The following PHLDB2 variants were observed in gnomAD, a reference collection of about 807,000 sequenced individuals.
The protein encoded by PHLDB2 is pleckstrin homology-like domain family B member 2.
A neutral mutation model predicts 123.6 loss-of-function variants in PHLDB2; 71 were observed. The ratio of observed to expected loss-of-function variants is 0.57; its 90% CI spans 0.47 to 0.70. The LOEUF (loss-of-function observed/expected upper bound fraction) is 0.70, where lower values mean the gene tolerates loss of function less well. Ranked by LOEUF, PHLDB2 falls within the 30% of genes least tolerant of loss-of-function variation. PHLDB2 has a pLI of 0.00. For synonymous variants in PHLDB2, 547 were observed against 541.6 expected (o/e 1.01, Z -0.14); for missense variants, 1,446 against 1,519.5 (o/e 0.95, Z 0.80).
upstream of PHLDB2, chr3:111,859,065 G>A (rs1279722820): frequency 7.9e-6 from 4 of 506,714 alleles, no homozygotes; most frequent in Non-Finnish European, 1.0e-5. Context: ...CTTAGCTCAG[G>A]CCGTTCTCCA....
intron 1 of PHLDB2, among the ~76,000 whole-genome samples, chr3:111,770,669 AACTT>A (rs72278216): frequency 0.011 from 1,746 of 152,314 alleles, 26 homozygotes; most frequent in African/African-American, 0.039. Context: ...TAAATGGAAA[AACTT>A]ACTCAGAGAT....
intron 16 of PHLDB2, among the ~76,000 whole-genome samples, chr3:111,970,220 T>G (rs1444900115): frequency 6.6e-6 from 1 of 152,208 alleles, no homozygotes; most frequent in Non-Finnish European, 1.5e-5. Flanking sequence ...ATATTTCCTT[T>G]TATTTGTTTT....
At chr3:111,853,714 A>G (rs995106383) in intron 2 of PHLDB2, among the ~76,000 whole-genome samples, 19 of 152,126 alleles carry the variant, frequency 1.2e-4, no homozygotes, top group Non-Finnish European at 1.5e-5. Flanking sequence ...CATCTCTTCT[A>G]AAAATACAAA....
intron 1 of PHLDB2, among the ~76,000 whole-genome samples, chr3:111,749,807 AAC>A (rs1258987223): frequency 1.6e-4 from 24 of 152,320 alleles, no homozygotes; most frequent in African/African-American, 5.1e-4. Flanking sequence ...ACGACACTGA[AAC>A]AGTCTAATTA....
At chr3:111,772,217 T>C (rs1183859282) in intron 1 of PHLDB2, among the ~76,000 whole-genome samples, 1 of 152,218 alleles carries the variant, frequency 6.6e-6, no homozygotes, top group African/African-American at 2.4e-5. Context: ...TTTTTCTTAC[T>C]GTTACTATTT....
chr3:111,951,453 G>C (rs1394704214), intron 10 of PHLDB2, among the ~76,000 whole-genome samples: 1 of 152,128 alleles, frequency 6.6e-6, no homozygotes, highest in Non-Finnish European at 1.5e-5. Context: ...AGATTTTTAT[G>C]ATTGGCATAT....
rs184462586 is a variant in PHLDB2, at chr3:111,899,867, A to C, written c.1336-13452A>C. On this transcript the variant is annotated intron_variant, in intron 2 of 17. Coordinates refer to ENST00000431670, the MANE Select transcript of PHLDB2 (RefSeq NM_001134438.2). ...GTGATCCTCTCGCCTAGGCCTCCCAAAGTGCTGGGATTACAGGAGTGAGCC... is the reference window on the plus strand; with the variant it reads ...GTGATCCTCTCGCCTAGGCCTCCCACAGTGCTGGGATTACAGGAGTGAGCC... Among the ~76,000 whole-genome samples, 144 of 152,276 alleles carry C rather than the reference A, an allele frequency of 9.5e-4. No individual in the cohort carries two copies. In the South Asian group the frequency reaches 0.01, roughly 11 times the overall value.
chr3:111,748,005 T>A (rs935965648), intron 1 of PHLDB2, among the ~76,000 whole-genome samples: 1 of 152,206 alleles, frequency 6.6e-6, no homozygotes, highest in African/African-American at 2.4e-5. Context: ...TCTTTTGATA[T>A]GTTGCTCAGG....
chr3:111,816,613 T>G (rs529030941), intron 1 of PHLDB2, among the ~76,000 whole-genome samples: 1 of 152,324 alleles, frequency 6.6e-6, no homozygotes. Context: ...AGGAAGTAAT[T>G]AACTTGCTTT....
chr3:111,805,300 C>T (rs2108292562), intron 1 of PHLDB2, among the ~76,000 whole-genome samples: 1 of 152,260 alleles, frequency 6.6e-6, no homozygotes, highest in East Asian at 1.9e-4. Context: ...GTGGCTCAAG[C>T]CTGTAATCCC....
chr3:111,918,832 G>A (rs992961501), intron 3 of PHLDB2, among the ~76,000 whole-genome samples: 1 of 152,140 alleles, frequency 6.6e-6, no homozygotes, highest in Non-Finnish European at 1.5e-5. Context: ...GCTTCAAAAG[G>A]ATATGAATTG....
intron 2 of PHLDB2, among the ~76,000 whole-genome samples, chr3:111,902,510 T>C (rs2067256336): frequency 2.0e-5 from 3 of 152,184 alleles, no homozygotes; most frequent in African/African-American, 7.2e-5. Context: ...ATGTTAGTAA[T>C]TAAATATGTA....
Position 111,907,086 on chromosome 3 carries a change from G to A in PHLDB2, c.1336-6233G>A, listed in dbSNP as rs143392474. On this transcript the variant is annotated intron_variant, in intron 2 of 17. Coordinates refer to ENST00000431670, the MANE Select transcript of PHLDB2 (RefSeq NM_001134438.2). ...CAAATGAGATCATTTGTCCTAAACT[G>A]ATAAAAACAATACTAAGGCAATGTT... Among the ~76,000 whole-genome samples, 16 of 152,268 alleles carry A rather than the reference G, an allele frequency of 1.1e-4. No homozygotes were observed. In the East Asian group the frequency reaches 1.9e-3, roughly 18 times the overall value.
intron 1 of PHLDB2, among the ~76,000 whole-genome samples, chr3:111,747,684 C>T (rs924643452): frequency 3.2e-4 from 49 of 152,184 alleles, no homozygotes; most frequent in Admixed American, 6.5e-4. Flanking sequence ...CATGAGGATA[C>T]ACTGAGCTGT....
intron 3 of PHLDB2, chr3:111,915,306 C>T (rs2068110601): frequency 1.3e-5 from 2 of 152,340 alleles, no homozygotes; most frequent in Admixed American, 1.3e-4. Context: ...TGTTTAGCTA[C>T]AGCAAGACTT....
upstream of PHLDB2, among the ~76,000 whole-genome samples, chr3:111,858,646 T>A (rs1463191305): frequency 6.6e-6 from 1 of 152,220 alleles, no homozygotes; most frequent in East Asian, 1.9e-4. Context: ...GCTTATTAGC[T>A]GCCCTGCAGC....
intron 1 of PHLDB2, among the ~76,000 whole-genome samples, chr3:111,806,326 C>T (rs2061586502): frequency 6.6e-6 from 1 of 152,014 alleles, no homozygotes; most frequent in African/African-American, 2.4e-5. Context: ...CAGTCAATCC[C>T]CTCTCCCACC....
At chr3:111,849,351 T>C (rs1380081234) in intron 2 of PHLDB2, among the ~76,000 whole-genome samples, 16 of 152,056 alleles carry the variant, frequency 1.1e-4, no homozygotes, top group African/African-American at 3.6e-4. Flanking sequence ...AAAAAAATTT[T>C]TTAGAGAAGG....
At chr3:111,927,722 T>C (rs570822286) in intron 5 of PHLDB2, among the ~76,000 whole-genome samples, 1 of 152,360 alleles carries the variant, frequency 6.6e-6, no homozygotes, top group Admixed American at 6.5e-5. Flanking sequence ...TCAGTGTAGC[T>C]GAATGTCTTC....
Sources: gnomAD v4.1 joint callset for allele counts (sites outside exome capture counted in the v4.1 genomes callset) on GRCh38, gnomAD v4.1.1 for gene constraint, MANE v1.5 for transcripts, NCBI Gene and HGNC (gene_info 2026-07-23, HGNC 2026-07-21) for gene names.